ANO5: variants seen among roughly 807,000 people sequenced by gnomAD.
ANO5 encodes the protein anoctamin-5.
Under a neutral mutation model 121.0 loss-of-function variants are expected in ANO5, and 109 were observed. The observed-to-expected ratio is 0.90, with a 90% CI of 0.77 to 1.06. ANO5 has a LOEUF of 1.06. Ranked by LOEUF, ANO5 falls within the 50% of genes least tolerant of loss-of-function variation. ANO5 has a pLI of 0.00. For synonymous variants in ANO5, 406 were observed against 359.9 expected, an observed-to-expected ratio of 1.13 and a Z score of -1.45; for missense variants, 1,064 against 1,078.5, an observed-to-expected ratio of 0.99 and a Z score of 0.19.
chr11:22,216,609 C>T (rs938615216), intron 3 of ANO5, among the ~76,000 whole-genome samples: 1 of 151,920 alleles, frequency 6.6e-6, no homozygotes, highest in South Asian at 2.1e-4. Context: ...GTCAACCTTA[C>T]TTATTGTGAA....
At chr11:22,203,685 G>A (rs1852029697) in intron 1 of ANO5, 119 bp from the exon 2 acceptor site, 1 of 633,284 alleles carries the variant, frequency 1.6e-6, no homozygotes, top group Admixed American at 2.9e-5. Context: ...TTTTCTTCTA[G>A]TATTTTTTCT....
intron 18 of ANO5, 121 bp from the exon 19 acceptor site, chr11:22,272,663 G>T: frequency 1.1e-6 from 1 of 898,022 alleles, no homozygotes; most frequent in Non-Finnish European, 1.8e-6. Context: ...ACGGATGGAA[G>T]CCTGGATTGT....
rs1214865204 is a variant in ANO5 at position 22,225,881 on chromosome 11, GA to G, written c.295-102del. ...TTTATATACAACCATGGGAGGGGCA[GA>G]GAGCCATCCAGAGTCACAGCCATTG... On this transcript the variant is annotated intron_variant, in intron 5 of 21. Transcript: ENST00000324559. The G allele has an allele frequency of 3.6e-6, 3 of 840,660 alleles. No homozygotes were observed. The East Asian group carries it at 7.9e-5, about 22-fold the overall frequency. The allele number at this position is 840,660 out of a possible 1,614,324, so 52.1% of individuals were successfully genotyped here.
At chr11:22,258,159 T>G (rs1351397826) in intron 14 of ANO5, among the ~76,000 whole-genome samples, 1 of 152,178 alleles carries the variant, frequency 6.6e-6, no homozygotes, top group African/African-American at 2.4e-5. Context: ...TCTTAACACT[T>G]AGCATCTAAT....
At chr11:22,260,025 T>A (rs935237260) in intron 15 of ANO5, among the ~76,000 whole-genome samples, 1 of 152,142 alleles carries the variant, frequency 6.6e-6, no homozygotes, top group Non-Finnish European at 1.5e-5. Context: ...ATGGGTCTAG[T>A]TGAATCCTAA....
At position 22,193,407 on chromosome 11, in the gene ANO5, G is replaced by C. The variant is rs1279792591; in HGVS notation, c.-86G>C. ...CTCCGGCGGCCCACAGTCAGATTCA[G>C]CACCTGCCTCAGATCTCCACGTCTG... On this transcript the variant is annotated 5_prime_UTR_variant, in exon 1 of 22. Transcript: ENST00000324559. 6.4e-7 allele frequency: 1 copy of C among 1,554,286 alleles called. No homozygotes were observed. The highest frequency in any genetic ancestry group is 1.4e-5 in the African/African-American group (1 of 73,412).
chr11:22,251,509 GC>G (rs1853815700), intron 12 of ANO5, among the ~76,000 whole-genome samples: 2 of 152,072 alleles, frequency 1.3e-5, no homozygotes, highest in South Asian at 2.1e-4. Flanking sequence ...AAAATGCCCT[GC>G]CCAGGACTTC....
intron 17 of ANO5, among the ~76,000 whole-genome samples, chr11:22,268,888 C>A (rs531868187): frequency 6.6e-6 from 1 of 152,028 alleles, no homozygotes; most frequent in African/African-American, 2.4e-5. Flanking sequence ...CATGGAGGCA[C>A]ATGCCTTTAG....
rs374066739 is a variant in ANO5, at chr11:22,223,843, C to CT, written c.295-2136dup. ...TTAAAAAGGTATGAATAAAAACCCT[C>CT]TTTTTGTTCCAGTTTTCCTATTAGC... is the stretch of plus-strand genomic sequence containing the variant. On this transcript the variant is annotated intron_variant, in intron 5 of 21. Transcript: ENST00000324559. Among the ~76,000 whole-genome samples, 626 of 152,114 alleles carry CT rather than the reference C, an allele frequency of 4.1e-3. 2 individuals carry two copies. Among genetic ancestry groups the CT allele is most frequent in the Non-Finnish European group, 7.0e-3 (478 of 67,962 alleles).
At chr11:22,269,484 GAAAGAAAAAAGAAAAGGAAGGA>G (rs1453571720) in intron 17 of ANO5, among the ~76,000 whole-genome samples, 1 of 6,124 alleles carries the variant, frequency 1.6e-4, no homozygotes, top group African/African-American at 3.2e-3. Context: ...GAAAAGAAAG[GAAAGAAAAAAGAAAAGGAAGGA>G]AAGAAAAAAA....
intron 1 of ANO5, 91 bp downstream of exon 1, chr11:22,193,623 G>A: frequency 6.8e-7 from 1 of 1,480,970 alleles, no homozygotes; most frequent in Non-Finnish European, 9.2e-7. Context: ...GGACGTTGGC[G>A]GCCCTGCGGC....
intron 9 of ANO5, among the ~76,000 whole-genome samples, 174 bp downstream of exon 9, chr11:22,239,858 A>G (rs1853367377): frequency 6.6e-6 from 1 of 152,088 alleles, no homozygotes; most frequent in Non-Finnish European, 1.5e-5. Flanking sequence ...TGCTAAACTG[A>G]TGAAAGACAA....
chr11:22,225,846 A>C, intron 5 of ANO5, 138 bp from the exon 6 acceptor site: 1 of 658,878 alleles, frequency 1.5e-6, no homozygotes, highest in Non-Finnish European at 2.7e-6. Flanking sequence ...TGACATTCAG[A>C]TGGAGCATTT....
chr11:22,206,256 A>C (rs1852117915), intron 2 of ANO5, among the ~76,000 whole-genome samples: 1 of 152,144 alleles, frequency 6.6e-6, no homozygotes, highest in South Asian at 2.1e-4. Context: ...CAGTAATATA[A>C]AAATAATTAT....
chr11:22,195,038 C>T (rs1204390113), intron 1 of ANO5, among the ~76,000 whole-genome samples: 2 of 152,162 alleles, frequency 1.3e-5, no homozygotes, highest in East Asian at 3.9e-4. Flanking sequence ...CTGCATGTTA[C>T]CTTCCCATCA....
intron 9 of ANO5, among the ~76,000 whole-genome samples, chr11:22,244,963 T>C (rs1274941630): frequency 6.6e-6 from 1 of 152,156 alleles, no homozygotes; most frequent in Non-Finnish European, 1.5e-5. Context: ...CCAGAGTTCT[T>C]GCACTGAATC....
Position 22,279,598 on chromosome 11 carries a change from A to G in ANO5, c.2575A>G (p.Lys859Glu). ...GGCCTGGATGATACCTGATGTTCCA[A>G]AAGATGTTGTGGAGAGAATCAAGAG... ...LLAWMIPDVP[K>E]DVVERIKREK... is the part of the protein sequence containing the mutation. Residue 859 changes from lysine to glutamate, a missense_variant, in exon 22 of 22, where the codon AAA (lysine) becomes GAA (glutamate). By Grantham distance (56) the Lys-to-Glu change is moderately conservative. Coordinates refer to ENST00000324559, the MANE Select transcript of ANO5 (RefSeq NM_213599.3). 6.2e-7 allele frequency: 1 copy of G among 1,613,000 alleles called. No individual in the cohort carries two copies. The highest frequency in any genetic ancestry group is 8.5e-7 in the Non-Finnish European group (1 of 1,179,196).
chr11:22,276,184 C>A lies in ANO5; in HGVS notation c.2505C>A (p.Phe835Leu). Reference protein sequence around the residue: ...FWHVLAAKMTFIIVMEHVVFL... With the variant: ...FWHVLAAKMTLIIVMEHVVFL... ...ATGTCCTTGCTGCCAAGATGACCTT[C>A]ATCATTGTTATGGAAGTAAGCTGTT... Residue 835 changes from phenylalanine (F) to leucine (L), a missense_variant, in exon 21 of 22, where the codon TTC (phenylalanine) becomes TTA (leucine). Coordinates refer to ENST00000324559, the MANE Select transcript of ANO5 (RefSeq NM_213599.3). 6.2e-7 allele frequency: 1 copy of A among 1,609,320 alleles called. No individual in the cohort carries two copies. The highest frequency in any genetic ancestry group is 1.1e-5 in the South Asian group (1 of 90,962).
Position 22,280,030 on chromosome 11 carries a change from A to C in ANO5, c.*265A>C. The C allele has an allele frequency of 2.3e-6, 1 of 440,620 alleles. No individual in the cohort carries two copies. The highest frequency in any genetic ancestry group is 4.0e-5 in the Admixed American group (1 of 25,250). 27.3% of individuals were successfully genotyped at this position (440,620 alleles called of 1,614,324 possible). A position where few individuals can be genotyped will look rare whatever the true frequency, so the allele number is the denominator to read the frequency against. On this transcript the variant is annotated 3_prime_UTR_variant, in exon 22 of 22. Transcript: ENST00000324559. ...AAATGACTGTTGAAAGTGCAGGTAGAATCAGAATACTGGGAAATTATGGAG... is the reference window on the plus strand; with the variant it reads ...AAATGACTGTTGAAAGTGCAGGTAGCATCAGAATACTGGGAAATTATGGAG...
Sources: allele counts gnomAD v4.1 joint callset (sites outside exome capture counted in the v4.1 genomes callset), GRCh38; gene constraint gnomAD v4.1.1; transcripts MANE v1.5; gene names NCBI Gene and HGNC (gene_info 2026-07-23, HGNC 2026-07-21).